The following AGBL4 variants were observed in gnomAD, a reference collection of about 807,000 sequenced individuals.
AGBL4 encodes the protein cytosolic carboxypeptidase 6.
In AGBL4, 58 loss-of-function variants were observed where a neutral mutation model predicts 66.4. The observed-to-expected ratio is 0.87, with a 90% confidence interval of 0.71 to 1.09. The LOEUF is 1.09. AGBL4 is among the 50% of genes least tolerant of loss of function. AGBL4 has a pLI of 0.00. For missense variants in AGBL4, 579 were observed against 631.0 expected, an observed-to-expected ratio of 0.92 and a Z score of 0.88; for synonymous variants, 234 against 222.9, an observed-to-expected ratio of 1.05 and a Z score of -0.44.
intron 3 of AGBL4, among the ~76,000 whole-genome samples, chr1:49,300,850 CTCA>C: frequency 6.6e-6 from 1 of 152,238 alleles, no homozygotes; most frequent in African/African-American, 2.4e-5. Flanking sequence ...TATTGTAATC[CTCA>C]TAACTTCACT....
At chr1:48,962,216 T>C (rs953890680) in intron 5 of AGBL4, among the ~76,000 whole-genome samples, 2 of 152,324 alleles carry the variant, frequency 1.3e-5, no homozygotes, top group African/African-American at 4.8e-5. Context: ...AGATACTTAT[T>C]AGCCATGTGA....
chr1:49,453,200 C>G (rs1489999517), intron 3 of AGBL4, among the ~76,000 whole-genome samples: 1 of 151,816 alleles, frequency 6.6e-6, no homozygotes, highest in Admixed American at 6.6e-5. Flanking sequence ...TACAATGTCA[C>G]CATTCATTAA....
At chr1:50,017,075 T>G (rs1387386959) in intron 1 of AGBL4, 1 of 151,296 alleles carries the variant, frequency 6.6e-6, no homozygotes, top group Non-Finnish European at 1.5e-5. Flanking sequence ...GAAAATGTGA[T>G]ATATATATAT....
At chr1:49,191,189 A>G (rs1647111720) in intron 4 of AGBL4, among the ~76,000 whole-genome samples, 1 of 152,178 alleles carries the variant, frequency 6.6e-6, no homozygotes, top group Non-Finnish European at 1.5e-5. Flanking sequence ...ACATTAAGGG[A>G]AGGACGAAGT....
rs145635524 is a variant in AGBL4, at chr1:49,407,872, T to A, written c.283-162008A>T. The stretch of plus-strand genomic sequence containing the variant: ...CATCAAAATGAAAATATCTGTATGA[T>A]GTGTGTTCCTAATAACCCAGGTCTG... On this transcript the variant is annotated intron_variant, in intron 3 of 13. Coordinates refer to ENST00000371839, the MANE Select transcript of AGBL4 (RefSeq NM_032785.4). Among the ~76,000 whole-genome samples, 849 of 152,300 alleles carry A rather than the reference T, an allele frequency of 5.6e-3. 9 individuals are homozygous for A. The highest frequency in any genetic ancestry group is 6.9e-3 in the Non-Finnish European group (470 of 68,018).
At chr1:49,674,178 C>T (rs539170001) in intron 3 of AGBL4, among the ~76,000 whole-genome samples, 2 of 152,118 alleles carry the variant, frequency 1.3e-5, no homozygotes, top group East Asian at 1.9e-4. Flanking sequence ...TTTTTTAGAA[C>T]TCTATTTGAA....
At chr1:49,320,374 TAC>T in intron 3 of AGBL4, among the ~76,000 whole-genome samples, 1 of 152,192 alleles carries the variant, frequency 6.6e-6, no homozygotes, top group African/African-American at 2.4e-5. Context: ...TAAAGGGTTT[TAC>T]TATTAAGGAA....
At chr1:48,941,059 G>A (rs1655929099) in intron 5 of AGBL4, among the ~76,000 whole-genome samples, 1 of 152,154 alleles carries the variant, frequency 6.6e-6, no homozygotes, top group Non-Finnish European at 1.5e-5. Context: ...TTATTGCAGA[G>A]GATCAATAGA....
chr1:48,884,472 T>C (rs912909233), intron 5 of AGBL4, among the ~76,000 whole-genome samples: 24 of 152,120 alleles, frequency 1.6e-4, no homozygotes, highest in Non-Finnish European at 2.4e-4. Flanking sequence ...ATGTTATGAA[T>C]TATTTGCATT....
intron 6 of AGBL4, among the ~76,000 whole-genome samples, chr1:48,780,027 ATAT>A (rs952758097): frequency 2.0e-5 from 3 of 151,260 alleles, no homozygotes; most frequent in African/African-American, 2.4e-5. Context: ...ATTATTATTA[ATAT>A]TATTATTATT....
At chr1:48,905,414 T>C (rs2148874082) in intron 5 of AGBL4, among the ~76,000 whole-genome samples, 1 of 152,322 alleles carries the variant, frequency 6.6e-6, no homozygotes, top group Middle Eastern at 3.4e-3. Context: ...GTAGAAATCA[T>C]TGAGAATAAA....
chr1:48,761,502 C>A (rs577534756), intron 6 of AGBL4: 2 of 1,543,328 alleles, frequency 1.3e-6, no homozygotes, highest in East Asian at 2.4e-5. Flanking sequence ...CAAGGTTCAT[C>A]ATGAGTTAAA....
intron 1 of AGBL4, among the ~76,000 whole-genome samples, chr1:49,929,807 A>G (rs1030547195): frequency 3.3e-5 from 5 of 152,146 alleles, no homozygotes; most frequent in African/African-American, 1.2e-4. Context: ...TCTATAAAAC[A>G]TATAAAAGTA....
At chr1:49,301,856 A>C (rs1570383270) in intron 3 of AGBL4, among the ~76,000 whole-genome samples, 1 of 152,012 alleles carries the variant, frequency 6.6e-6, no homozygotes, top group Non-Finnish European at 1.5e-5. Context: ...TTCATCCCCA[A>C]CCCAACCAAT....
At chr1:49,537,241 A>C (rs1459165918) in intron 3 of AGBL4, among the ~76,000 whole-genome samples, 5 of 152,174 alleles carry the variant, frequency 3.3e-5, no homozygotes, top group African/African-American at 1.2e-4. Flanking sequence ...TAGGCAAACA[A>C]TTTATCACGA....
intron 2 of AGBL4, among the ~76,000 whole-genome samples, chr1:49,775,669 C>A (rs989515426): frequency 6.6e-6 from 1 of 151,928 alleles, no homozygotes; most frequent in African/African-American, 2.4e-5. Flanking sequence ...TCCTTGAGGG[C>A]AAGGACTATG....
intron 4 of AGBL4, among the ~76,000 whole-genome samples, chr1:49,208,558 ACAT>A (rs1237376623): frequency 6.6e-6 from 1 of 152,068 alleles, no homozygotes; most frequent in Non-Finnish European, 1.5e-5. Context: ...TTCTGTGGAC[ACAT>A]GATGCCTGTC....
intron 3 of AGBL4, among the ~76,000 whole-genome samples, chr1:49,376,137 T>C (rs764199356): frequency 2.6e-5 from 4 of 152,160 alleles, no homozygotes; most frequent in Non-Finnish European, 5.9e-5. Context: ...CTGCAAACTC[T>C]AGTAAACCAC....
At chr1:48,869,811 C>T (rs1369270465) in intron 5 of AGBL4, among the ~76,000 whole-genome samples, 2 of 152,142 alleles carry the variant, frequency 1.3e-5, no homozygotes, top group Admixed American at 6.6e-5. Flanking sequence ...ACCACATTTT[C>T]AACTATCCTC....
Sources: gnomAD v4.1 joint callset for allele counts (sites outside exome capture counted in the v4.1 genomes callset) on GRCh38, gnomAD v4.1.1 for gene constraint, MANE v1.5 for transcripts, NCBI Gene and HGNC (gene_info 2026-07-23, HGNC 2026-07-21) for gene names.